Variants in IRAG1 observed in about 807,000 individuals in gnomAD.
IRAG1 encodes the protein inositol 1,4,5-triphosphate receptor associated 1.
In IRAG1, 62 loss-of-function variants were observed where a neutral mutation model predicts 106.2. The ratio of observed to expected loss-of-function variants is 0.58; its 90% CI spans 0.48 to 0.72. The LOEUF (loss-of-function observed/expected upper bound fraction) is 0.72, where lower values mean the gene tolerates loss of function less well. Ranked by LOEUF, IRAG1 falls within the 30% of genes least tolerant of loss-of-function variation. The probability of loss-of-function intolerance (pLI) is 0.00; values close to 1 mark genes in which losing one functional copy is unlikely to be tolerated. For missense variants in IRAG1, 1,064 were observed against 1,140.7 expected (o/e 0.93, Z 0.97); for synonymous variants, 462 against 443.9 (o/e 1.04, Z -0.51).
intron 10 of IRAG1, among the ~76,000 whole-genome samples, chr11:10,612,880 CAAATT>C (rs966144834): frequency 4.0e-5 from 6 of 151,708 alleles, no homozygotes; most frequent in Non-Finnish European, 7.4e-5. Context: ...TTTAAGGAAA[CAAATT>C]AAAGACCAAA....
chr11:10,607,496 A>G (rs1297196398), intron 11 of IRAG1, among the ~76,000 whole-genome samples: 1 of 152,230 alleles, frequency 6.6e-6, no homozygotes, highest in African/African-American at 2.4e-5. Context: ...CAGTCCCTGC[A>G]TCTGCATGTC....
intron 1 of IRAG1, among the ~76,000 whole-genome samples, chr11:10,677,900 C>T (rs1287571498): frequency 6.6e-6 from 1 of 152,204 alleles, no homozygotes; most frequent in African/African-American, 2.4e-5. Flanking sequence ...TTCGGTCTAG[C>T]TTCTTTCACT....
At chr11:10,617,293 G>T in intron 10 of IRAG1, 1 of 634,916 alleles carries the variant, frequency 1.6e-6, no homozygotes, top group Non-Finnish European at 2.0e-6. Flanking sequence ...TCTTACAATA[G>T]TACTGCAAAT....
chr11:10,624,507 C>T (rs1394061463), intron 9 of IRAG1, among the ~76,000 whole-genome samples: 1 of 152,146 alleles, frequency 6.6e-6, no homozygotes. Flanking sequence ...CAATTAGCAC[C>T]AGACCAAGGA....
chr11:10,627,846 A>C (rs993685837), intron 7 of IRAG1, 86 bp from the exon 8 acceptor site: 4 of 1,592,654 alleles, frequency 2.5e-6, no homozygotes, highest in Non-Finnish European at 2.6e-6. Context: ...GCCCCCTAGC[A>C]GTGGTGTTCA....
intron 1 of IRAG1, among the ~76,000 whole-genome samples, chr11:10,686,182 TC>T (rs1861647900): frequency 6.6e-6 from 1 of 152,206 alleles, no homozygotes; most frequent in Admixed American, 6.5e-5. Context: ...GGGTACTTAT[TC>T]AGGTATAAGT....
intron 3 of IRAG1, among the ~76,000 whole-genome samples, chr11:10,633,126 G>A (rs544658940): frequency 1.0e-4 from 15 of 143,666 alleles, no homozygotes; most frequent in Non-Finnish European, 1.3e-4. Context: ...CCAGGCTGGA[G>A]TGCAGTGGCG....
At chr11:10,639,213 C>A (rs1857343797) in intron 2 of IRAG1, among the ~76,000 whole-genome samples, 1 of 152,192 alleles carries the variant, frequency 6.6e-6, no homozygotes, top group South Asian at 2.1e-4. Flanking sequence ...AGCCACCATG[C>A]CTGGCCTTTG....
chr11:10,643,492 C>T (rs1857702373), intron 2 of IRAG1, among the ~76,000 whole-genome samples: 1 of 152,248 alleles, frequency 6.6e-6, no homozygotes, highest in South Asian at 2.1e-4. Flanking sequence ...TTTTTACTCT[C>T]ATGCCAACAG....
intron 1 of IRAG1, among the ~76,000 whole-genome samples, chr11:10,684,890 CATA>C (rs1399533100): frequency 1.3e-5 from 2 of 152,146 alleles, no homozygotes; most frequent in Admixed American, 6.5e-5. Context: ...GTGAATATCA[CATA>C]ATAACTACCA....
chr11:10,675,010 C>T (rs540583844), intron 1 of IRAG1, among the ~76,000 whole-genome samples: 9 of 152,312 alleles, frequency 5.9e-5, no homozygotes, highest in African/African-American at 1.2e-4. Flanking sequence ...GAATAGGAAA[C>T]GCAGAGTGAC....
Position 10,629,715 on chromosome 11 carries a change from CAGA to C in IRAG1, c.401-7_401-5del, listed in dbSNP as rs780731687. ...TCAATGATGTGCCCCGCGGGGTCTG[CAGA>C]AGGAGGATGAGCTGGGGTGAGAGCC... On this transcript the variant is annotated splice_region_variant and splice_polypyrimidine_tract_variant and intron_variant, in intron 4 of 20. Coordinates refer to ENST00000423302, the MANE Select transcript of IRAG1 (RefSeq NM_130385.4). 1.9e-6 allele frequency: 3 copies of C among 1,612,200 alleles called. No individual in the cohort carries two copies. The highest frequency in any genetic ancestry group is 1.1e-5 in the South Asian group (1 of 90,772).
chr11:10,599,164 C>T (rs1320270624), intron 15 of IRAG1, among the ~76,000 whole-genome samples: 1 of 152,208 alleles, frequency 6.6e-6, no homozygotes, highest in African/African-American at 2.4e-5. Context: ...GTGTATTCTC[C>T]TCGGAAGTCT....
At chr11:10,603,329 C>T in intron 13 of IRAG1, 78 bp from the exon 14 acceptor site, 1 of 1,535,666 alleles carries the variant, frequency 6.5e-7, no homozygotes, top group Admixed American at 1.8e-5. Context: ...ACCTTTTCGG[C>T]CTCAGGGACT....
chr11:10,623,012 T>A (rs1222875707), intron 10 of IRAG1, among the ~76,000 whole-genome samples: 1 of 152,146 alleles, frequency 6.6e-6, no homozygotes, highest in Non-Finnish European at 1.5e-5. Flanking sequence ...TGCTTTAATC[T>A]CCATAATCAC....
At position 10,628,913 on chromosome 11, in the gene IRAG1, G is replaced by T; in HGVS notation, c.575-85C>A. 1 of 1,331,458 alleles carries T rather than the reference G, an allele frequency of 7.5e-7. No individual in the cohort carries two copies. Among genetic ancestry groups the T allele is most frequent in the Non-Finnish European group, 1.0e-6 (1 of 964,280 alleles). The allele number at this position is 1,331,458 out of a possible 1,614,324, so 82.5% of individuals were successfully genotyped here. On this transcript the variant is annotated intron_variant, in intron 5 of 20. Coordinates refer to ENST00000423302, the MANE Select transcript of IRAG1 (RefSeq NM_130385.4). The surrounding 1 kb of genome is among the most constrained non-coding windows in gnomAD (Gnocchi z 4.1). Reference sequence around the variant, plus strand: ...AAGGCATCCTTTTAGGTATTCCCAGGCCCTGGGAACTGGGTCTGCCTTGCT... The same window carrying T: ...AAGGCATCCTTTTAGGTATTCCCAGTCCCTGGGAACTGGGTCTGCCTTGCT...
At chr11:10,586,874 A>G (rs1234973071) in intron 18 of IRAG1, among the ~76,000 whole-genome samples, 1 of 152,220 alleles carries the variant, frequency 6.6e-6, no homozygotes, top group East Asian at 1.9e-4. Context: ...GGTGCCTTTA[A>G]GTGCCTGTCA....
chr11:10,618,962 G>C (rs1416163480), intron 10 of IRAG1, among the ~76,000 whole-genome samples: 1 of 152,158 alleles, frequency 6.6e-6, no homozygotes, highest in Non-Finnish European at 1.5e-5. Context: ...GTTGGGGGTT[G>C]GGAGTGCAGG....
intron 10 of IRAG1, among the ~76,000 whole-genome samples, chr11:10,620,181 GA>G (rs1312954964): frequency 3.3e-5 from 5 of 151,912 alleles, no homozygotes; most frequent in Admixed American, 1.3e-4. Flanking sequence ...TTTTAATAGA[GA>G]AAAAAAGTGG....
Sources: allele counts gnomAD v4.1 joint callset (sites outside exome capture counted in the v4.1 genomes callset), GRCh38; gene constraint gnomAD v4.1.1; non-coding constraint Gnocchi (gnomAD v3.1); transcripts MANE v1.5; gene names NCBI Gene and HGNC (gene_info 2026-07-23, HGNC 2026-07-21).